MECOM: variants seen among roughly 807,000 people sequenced by gnomAD.
MECOM encodes MDS1 and EVI1 complex locus, also known as histone-lysine N-methyltransferase MECOM.
MECOM carries 13 observed loss-of-function variants against 116.3 expected under a neutral mutation model. The ratio of observed to expected loss-of-function variants is 0.11; its 90% CI spans 0.07 to 0.18. The LOEUF (loss-of-function observed/expected upper bound fraction) is 0.18. Ranked by LOEUF, MECOM falls within the 10% of genes least tolerant of loss-of-function variation. The probability of loss-of-function intolerance (pLI) is 1.00; values close to 1 mark genes in which losing one functional copy is unlikely to be tolerated. For synonymous variants in MECOM, 528 were observed against 535.2 expected (o/e 0.99, Z 0.19); for missense variants, 1,299 against 1,509.0 (o/e 0.86, Z 2.31).
intron 2 of MECOM, among the ~76,000 whole-genome samples, chr3:169,366,139 G>A (rs1182066998): frequency 6.6e-6 from 1 of 151,956 alleles, no homozygotes; most frequent in Non-Finnish European, 1.5e-5. Flanking sequence ...ATGAGGTCTG[G>A]AATGACCTTC....
intron 1 of MECOM, among the ~76,000 whole-genome samples, chr3:169,576,635 A>G (rs1764526651): frequency 6.6e-6 from 1 of 152,188 alleles, no homozygotes; most frequent in East Asian, 1.9e-4. Flanking sequence ...ATTCTCAATC[A>G]TAATAGCATA....
intron 2 of MECOM, among the ~76,000 whole-genome samples, chr3:169,166,036 C>T (rs6805301): frequency 0.4 from 60,099 of 151,926 alleles, 13,379 homozygotes; most frequent in African/African-American, 0.6. Flanking sequence ...AAGGATCCCA[C>T]CTCCCTAACT....
At chr3:169,197,658 A>C (rs1050757072) in intron 2 of MECOM, among the ~76,000 whole-genome samples, 3 of 152,042 alleles carry the variant, frequency 2.0e-5, no homozygotes, top group Non-Finnish European at 2.9e-5. Flanking sequence ...TGCTCCTGTG[A>C]ATGATCTACA....
chr3:169,451,588 T>C (rs1368963364), intron 1 of MECOM, among the ~76,000 whole-genome samples: 1 of 152,212 alleles, frequency 6.6e-6, no homozygotes, highest in African/African-American at 2.4e-5. Flanking sequence ...TTCTTATGCC[T>C]ATTTCTTAGA....
chr3:169,309,621 A>G (rs895782268), intron 2 of MECOM, among the ~76,000 whole-genome samples: 7 of 152,168 alleles, frequency 4.6e-5, no homozygotes, highest in Admixed American at 4.6e-4. Context: ...CTTTATTTCC[A>G]TATCTGGAAT....
At chr3:169,509,282 A>G (rs2109018198) in intron 1 of MECOM, among the ~76,000 whole-genome samples, 1 of 152,340 alleles carries the variant, frequency 6.6e-6, no homozygotes, top group South Asian at 2.1e-4. Flanking sequence ...CTGAAGGCTC[A>G]TCTAGCTTGA....
At chr3:169,567,952 C>T (rs1163941234) in intron 1 of MECOM, among the ~76,000 whole-genome samples, 1 of 152,130 alleles carries the variant, frequency 6.6e-6, no homozygotes, top group Non-Finnish European at 1.5e-5. Flanking sequence ...AGGAACAACT[C>T]CAGTCTGCAG....
intron 1 of MECOM, among the ~76,000 whole-genome samples, chr3:169,427,177 T>A (rs1740869123): frequency 6.9e-6 from 1 of 145,096 alleles, no homozygotes; most frequent in African/African-American, 2.7e-5. Context: ...CTTTTTAGTA[T>A]TTCCAATTCA....
rs928494880 is a variant in MECOM at position 169,581,352 on chromosome 3, C to CA, written c.37+81983dup. Among the ~76,000 whole-genome samples the CA allele has an allele frequency of 7.3e-5, 11 of 151,606 alleles. No homozygotes were observed. The East Asian group carries it at 9.6e-4, about 13-fold the overall frequency. ...AATCAAAAGTTGACCTCCCAGGTGG[C>CA]AAAAAAAAGCAGTTCCTCCACCATC... On this transcript the variant is annotated intron_variant, in intron 1 of 16. Transcript: ENST00000651503.
At chr3:169,532,454 A>G (rs1448773756) in intron 1 of MECOM, among the ~76,000 whole-genome samples, 1 of 152,210 alleles carries the variant, frequency 6.6e-6, no homozygotes, top group African/African-American at 2.4e-5. Context: ...TAGAAGAGCA[A>G]AGACCCATAA....
chr3:169,517,525 T>C (rs1442907808), intron 1 of MECOM, among the ~76,000 whole-genome samples: 1 of 152,236 alleles, frequency 6.6e-6, no homozygotes, highest in African/African-American at 2.4e-5. Flanking sequence ...AAATGTCCTC[T>C]AGGGCTTATG....
chr3:169,184,395 G>A, intron 2 of MECOM, among the ~76,000 whole-genome samples: 1 of 152,166 alleles, frequency 6.6e-6, no homozygotes, highest in East Asian at 1.9e-4. Context: ...GATGACTAGG[G>A]TGAGGGGCAG....
At chr3:169,340,723 G>A (rs1222141527) in intron 2 of MECOM, among the ~76,000 whole-genome samples, 2 of 152,292 alleles carry the variant, frequency 1.3e-5, no homozygotes, top group East Asian at 1.9e-4. Flanking sequence ...TTACTAAATT[G>A]TAAAGAGGTG....
intron 1 of MECOM, among the ~76,000 whole-genome samples, chr3:169,485,025 C>T: frequency 6.6e-6 from 1 of 152,068 alleles, no homozygotes; most frequent in East Asian, 1.9e-4. Context: ...GATGGAGTTT[C>T]ACTCTTTCAC....
intron 1 of MECOM, among the ~76,000 whole-genome samples, chr3:169,465,253 C>T (rs1031490257): frequency 2.0e-5 from 3 of 152,134 alleles, no homozygotes; most frequent in Non-Finnish European, 4.4e-5. Flanking sequence ...ACTAATTAGC[C>T]GTGTGCCCTT....
At chr3:169,148,766 C>A (rs1009949957) in intron 2 of MECOM, among the ~76,000 whole-genome samples, 1 of 151,884 alleles carries the variant, frequency 6.6e-6, no homozygotes, top group Non-Finnish European at 1.5e-5. Flanking sequence ...TATATTTTCC[C>A]AAAATATTGA....
intron 1 of MECOM, among the ~76,000 whole-genome samples, chr3:169,427,378 G>T (rs1740902358): frequency 6.6e-6 from 1 of 152,126 alleles, no homozygotes; most frequent in Admixed American, 6.5e-5. Context: ...TTATGTCAAA[G>T]AATGAGGTTT....
chr3:169,110,042 C>G (rs1007612953), intron 9 of MECOM, among the ~76,000 whole-genome samples: 1 of 152,076 alleles, frequency 6.6e-6, no homozygotes, highest in South Asian at 2.1e-4. Flanking sequence ...AAATGAAGAT[C>G]CAGATGCTGA....
intron 10 of MECOM, among the ~76,000 whole-genome samples, chr3:169,107,202 C>T (rs1241620816): frequency 2.6e-5 from 4 of 152,098 alleles, no homozygotes; most frequent in Non-Finnish European, 4.4e-5. Flanking sequence ...AACACATATA[C>T]TTAGAGAATA....
Sources: allele counts gnomAD v4.1 joint callset (sites outside exome capture counted in the v4.1 genomes callset), GRCh38; gene constraint gnomAD v4.1.1; transcripts MANE v1.5; gene names NCBI Gene and HGNC (gene_info 2026-07-23, HGNC 2026-07-21).